Variants in ACOX1 observed in about 807,000 individuals in gnomAD.
ACOX1 encodes peroxisomal acyl-coenzyme A oxidase 1.
ACOX1 carries 41 observed loss-of-function variants against 75.5 expected under a neutral mutation model. The observed-to-expected ratio is 0.54, with a 90% confidence interval of 0.42 to 0.70. ACOX1 has a LOEUF of 0.70. Ranked by LOEUF, ACOX1 falls within the 30% of genes least tolerant of loss-of-function variation. The probability of loss-of-function intolerance (pLI) is 0.00; values close to 1 mark genes in which losing one functional copy is unlikely to be tolerated. For missense variants in ACOX1, 630 were observed against 837.5 expected (o/e 0.75, Z 3.06); for synonymous variants, 303 against 298.8 (o/e 1.01, Z -0.15).
intron 12 of ACOX1, 46 bp from the exon 13 acceptor site, chr17:75,948,503 G>T: frequency 3.4e-6 from 5 of 1,462,888 alleles, no homozygotes; most frequent in Non-Finnish European, 3.8e-6. Context: ...TATGTATATA[G>T]ATAGACATAA....
At chr17:75,974,623 A>G (rs1321472295) in intron 2 of ACOX1, among the ~76,000 whole-genome samples, 1 of 152,200 alleles carries the variant, frequency 6.6e-6, no homozygotes, top group Non-Finnish European at 1.5e-5. Flanking sequence ...TTAGGAAGCA[A>G]TGTTACTACC....
In ACOX1 at chr17:75,960,885, G is replaced by A. The variant is rs1275624196; in HGVS notation, c.270-510C>T. Among the ~76,000 whole-genome samples, 1 of 152,202 alleles carries A rather than the reference G, an allele frequency of 6.6e-6. No individual in the cohort carries two copies. Among genetic ancestry groups the A allele is most frequent in the African/African-American group, 2.4e-5 (1 of 41,452 alleles). On this transcript the variant is annotated intron_variant, in intron 2 of 13. Transcript: ENST00000293217. The surrounding 1 kb of genome is among the most constrained non-coding windows in gnomAD (Gnocchi z 4.4). ...CCCAGCTATTTGGGAGCCTGAGGCA[G>A]GAAAATCGCTTGAACCTAGGAGGCG...
chr17:75,950,681 T>A lies in ACOX1; in HGVS notation c.1298+93A>T. 7.4e-7 allele frequency: 1 copy of A among 1,355,710 alleles called. No homozygotes were observed. The highest frequency in any genetic ancestry group is 1.7e-5 in the Admixed American group (1 of 57,592). 84.0% of individuals were successfully genotyped at this position (1,355,710 alleles called of 1,614,324 possible). ...TACCTTTCAGGAACAAATATATATA[T>A]ACGGTGAAGAAAAACCATGGGAACA... On this transcript the variant is annotated intron_variant, in intron 9 of 13. Transcript: ENST00000293217. The surrounding 1 kb of genome is among the most constrained non-coding windows in gnomAD (Gnocchi z 4.3).
At position 75,955,491 on chromosome 17, in the gene ACOX1, T is replaced by C. The variant is rs568792117; in HGVS notation, c.774+75A>G. 1.4e-5 allele frequency: 17 copies of C among 1,218,864 alleles called. No individual in the cohort carries two copies. In the African/African-American group the frequency reaches 2.5e-4, roughly 18 times the overall value. 75.5% of individuals were successfully genotyped at this position (1,218,864 alleles called of 1,614,324 possible). A position where few individuals can be genotyped will look rare whatever the true frequency, so the allele number is the denominator to read the frequency against. On this transcript the variant is annotated intron_variant, in intron 6 of 13. Transcript: ENST00000293217. ...ATTACCTTCTAAAAGAACAGACCATTCTAACCCTATTGTGAGTAACAGCCA... is the reference window on the plus strand; with the variant it reads ...ATTACCTTCTAAAAGAACAGACCATCCTAACCCTATTGTGAGTAACAGCCA...
chr17:75,949,085 A>G, intron 12 of ACOX1, 132 bp downstream of exon 12: 3 of 1,021,522 alleles, frequency 2.9e-6, no homozygotes, highest in Non-Finnish European at 4.5e-6. Flanking sequence ...TGAACTCCTG[A>G]CCTCAAGTGA....
intron 4 of ACOX1, among the ~76,000 whole-genome samples, chr17:75,957,013 A>C (rs2065839198): frequency 7.7e-6 from 1 of 130,048 alleles, no homozygotes; most frequent in East Asian, 2.3e-4. Flanking sequence ...ATATATACAC[A>C]CACACACCTC....
chr17:75,978,401 A>T lies in ACOX1; in HGVS notation c.269+133T>A. 1 of 1,295,004 alleles carries T rather than the reference A, an allele frequency of 7.7e-7. No individual in the cohort carries two copies. Among genetic ancestry groups the T allele is most frequent in the South Asian group, 1.2e-5 (1 of 82,770 alleles). The allele number at this position is 1,295,004 out of a possible 1,614,324, so 80.2% of individuals were successfully genotyped here. A position where few individuals can be genotyped will look rare whatever the true frequency, so the allele number is the denominator to read the frequency against. ...AGCCACCGCGCCCGGCCACACATAT[A>T]ACTTTATAAAGTTGCATGAAAATAT... is the stretch of plus-strand genomic sequence containing the variant. On this transcript the variant is annotated intron_variant, in intron 2 of 13. Transcript: ENST00000293217. The surrounding 1 kb of genome is among the most constrained non-coding windows in gnomAD (Gnocchi z 4.2).
In ACOX1 at chr17:75,960,486, T is replaced by A; in HGVS notation, c.270-111A>T. ...AGACAAAAAAACCTTAAGTATGAATTAGTTGCGTGCACTTAATCATAGATG... is the reference window on the plus strand; with the variant it reads ...AGACAAAAAAACCTTAAGTATGAATAAGTTGCGTGCACTTAATCATAGATG... On this transcript the variant is annotated intron_variant, in intron 2 of 13. Coordinates refer to ENST00000293217, the MANE Select transcript of ACOX1 (RefSeq NM_004035.7). The surrounding 1 kb of genome is among the most constrained non-coding windows in gnomAD (Gnocchi z 4.4). 9.4e-7 allele frequency: 1 copy of A among 1,060,324 alleles called. No individual in the cohort carries two copies. Among genetic ancestry groups the A allele is most frequent in the South Asian group, 1.3e-5 (1 of 74,132 alleles). 65.7% of individuals were successfully genotyped at this position (1,060,324 alleles called of 1,614,324 possible).
At chr17:75,959,109 C>G (rs1182089472) in intron 3 of ACOX1, among the ~76,000 whole-genome samples, 1 of 152,274 alleles carries the variant, frequency 6.6e-6, no homozygotes, top group East Asian at 1.9e-4. Flanking sequence ...AAATACTGTA[C>G]TAAAGCAAAC....
chr17:75,973,533 A>T, intron 2 of ACOX1: 1 of 1,337,700 alleles, frequency 7.5e-7, no homozygotes, highest in Non-Finnish European at 1.1e-6. Flanking sequence ...AGAATCCCAA[A>T]CAGGTAGCAG....
At chr17:75,964,165 C>T (rs996158567) in intron 2 of ACOX1, among the ~76,000 whole-genome samples, 1 of 108,024 alleles carries the variant, frequency 9.3e-6, no homozygotes, top group Non-Finnish European at 1.8e-5. Flanking sequence ...GCCTGGGGGA[C>T]AAGACTCCAT....
chr17:75,954,534 A>G lies in ACOX1; in HGVS notation c.775-914T>C, dbSNP rs75955353. 7.1e-3 allele frequency among the ~76,000 whole-genome samples: 1,015 copies of G among 142,630 alleles called. 8 individuals carry two copies. Among genetic ancestry groups the G allele is most frequent in the African/African-American group, 0.022 (817 of 36,750 alleles). The allele number at this position is 142,630 out of a possible 152,430, so 93.6% of individuals were successfully genotyped here. The stretch of plus-strand genomic sequence containing the variant: ...ACTCTCTCTCTCAAAAAAAAAAAAA[A>G]GGGGCATCAGAAGGAAAAATGCATT... On this transcript the variant is annotated intron_variant, in intron 6 of 13. Transcript: ENST00000293217.
chr17:75,966,779 G>A (rs2065936803), intron 2 of ACOX1, among the ~76,000 whole-genome samples: 1 of 152,102 alleles, frequency 6.6e-6, no homozygotes, highest in African/African-American at 2.4e-5. Context: ...CAGCCCAGGT[G>A]ACAGTGCGAG....
In ACOX1 at chr17:75,960,114, T is replaced by C; in HGVS notation, c.430+101A>G. 3 of 1,465,886 alleles carry C rather than the reference T, an allele frequency of 2.0e-6. No individual in the cohort carries two copies. Among genetic ancestry groups the C allele is most frequent in the Non-Finnish European group, 2.8e-6 (3 of 1,058,294 alleles). 90.8% of individuals were successfully genotyped at this position (1,465,886 alleles called of 1,614,324 possible). On this transcript the variant is annotated intron_variant, in intron 3 of 13. Transcript: ENST00000293217. The surrounding 1 kb of genome is among the most constrained non-coding windows in gnomAD (Gnocchi z 4.4). ...AGAAAGAGCTCATTTAAACAGACCA[T>C]AGAACATCGACACACCATCGATGGC...
intron 2 of ACOX1, among the ~76,000 whole-genome samples, chr17:75,967,284 C>T (rs774310163): frequency 1.3e-5 from 2 of 151,908 alleles, no homozygotes; most frequent in Non-Finnish European, 2.9e-5. Flanking sequence ...TCCTGACCAA[C>T]ATGGTGAAAC....
intron 2 of ACOX1, among the ~76,000 whole-genome samples, chr17:75,972,400 A>C (rs1488022547): frequency 1.3e-5 from 2 of 150,840 alleles, no homozygotes; most frequent in Non-Finnish European, 1.5e-5. Context: ...TAATCCCAGC[A>C]CTTTGGGAAG....
In ACOX1 at chr17:75,942,522, C is replaced by T. The variant is rs1172144844; in HGVS notation, c.*4226G>A. ...CAATTACAGTGTGACTTGTTCTAATCCTCCAAGAATGGAGTAGTAAAGAAA... is the reference window on the plus strand; with the variant it reads ...CAATTACAGTGTGACTTGTTCTAATTCTCCAAGAATGGAGTAGTAAAGAAA... On this transcript the variant is annotated 3_prime_UTR_variant, in exon 14 of 14. Transcript: ENST00000293217. The T allele has an allele frequency of 6.6e-6, 1 of 150,470 alleles. No individual in the cohort carries two copies. The highest frequency in any genetic ancestry group is 2.4e-5 in the African/African-American group (1 of 40,876). 9.3% of individuals were successfully genotyped at this position (150,470 alleles called of 1,614,324 possible).
rs368106231 is a variant in ACOX1, at chr17:75,960,306, G to C, written c.339C>G (p.His113Gln). ...GCTCCTGCTGCTCCGCAGTTGCCTGGTGAAGCAAGGTGGGCAGGAACATGC... is the reference window on the plus strand; with the variant it reads ...GCTCCTGCTGCTCCGCAGTTGCCTGCTGAAGCAAGGTGGGCAGGAACATGC... Reference protein sequence around the residue: ...HLGMFLPTLLHQATAEQQERF... With the variant: ...HLGMFLPTLLQQATAEQQERF... Residue 113 changes from histidine (H) to glutamine (Q), a missense_variant, in exon 3 of 14, where the codon CAC becomes CAG. Physicochemically the swap from His to Gln is conservative, Grantham distance 24. Transcript: ENST00000293217. The surrounding 1 kb of genome is among the most constrained non-coding windows in gnomAD (Gnocchi z 4.4). The C allele has an allele frequency of 3.1e-6, 5 of 1,614,222 alleles. No homozygotes were observed. Among genetic ancestry groups the C allele is most frequent in the Non-Finnish European group, 2.5e-6 (3 of 1,180,052 alleles).
Position 75,953,613 on chromosome 17 carries a change from G to A in ACOX1, c.782C>T (p.Pro261Leu), listed in dbSNP as rs139845083. 1.2e-6 allele frequency: 2 copies of A among 1,613,988 alleles called. No individual in the cohort carries two copies. Among genetic ancestry groups the A allele is most frequent in the African/African-American group, 2.7e-5 (2 of 74,928 alleles). ...CAGCGGTTTCACGTATGTGCCATCA[G>A]GCTTCACCTGGAAGAAGAACGTGGA... ...NMLMKYAQVKPDGTYVKPLSN... is the reference protein window; with the variant it reads ...NMLMKYAQVKLDGTYVKPLSN... Residue 261 changes from proline (P) to leucine (L), a missense_variant, in exon 7 of 14, where the codon CCT becomes CTT. By Grantham distance (98) the Pro-to-Leu change is moderately conservative. Coordinates refer to ENST00000293217, the MANE Select transcript of ACOX1 (RefSeq NM_004035.7).
Sources: gnomAD v4.1 joint callset for allele counts (sites outside exome capture counted in the v4.1 genomes callset) on GRCh38, gnomAD v4.1.1 for gene constraint, Gnocchi (gnomAD v3.1) non-coding constraint, MANE v1.5 for transcripts, NCBI Gene and HGNC (gene_info 2026-07-23, HGNC 2026-07-21) for gene names.